Variants in ADAMTS12 observed in about 807,000 individuals in gnomAD.
ADAMTS12 encodes the protein ADAM metallopeptidase with thrombospondin type 1 motif 12.
Under a neutral mutation model 167.8 loss-of-function variants are expected in ADAMTS12, and 118 were observed. The observed-to-expected ratio is 0.70, with a 90% CI of 0.61 to 0.82. The LOEUF is 0.82. Ranked by LOEUF, ADAMTS12 falls within the 40% of genes least tolerant of loss-of-function variation. ADAMTS12 has a pLI of 0.00. For synonymous variants in ADAMTS12, 704 were observed against 716.9 expected, an observed-to-expected ratio of 0.98 and a Z score of 0.29; for missense variants, 1,916 against 1,998.8, an observed-to-expected ratio of 0.96 and a Z score of 0.79.
intron 2 of ADAMTS12, among the ~76,000 whole-genome samples, chr5:33,763,295 T>C (rs1745419832): frequency 6.6e-6 from 1 of 152,022 alleles, no homozygotes. Context: ...AGGGCCCTTA[T>C]AAGAGGAAGG....
rs764723818 is a variant in ADAMTS12, at chr5:33,683,073, A to G, written c.860T>C (p.Ile287Thr). The part of the protein sequence containing the change: ...MVTGLFHNPS[I>T]GNAIHIVVVR... ...CACAACAATGTGAATTGCATTGCCA[A>G]TGCTTGGGTTATGGAACAACCCAGT... Residue 287 changes from isoleucine to threonine, a missense_variant, in exon 5 of 24, where the codon ATT becomes ACT. By Grantham distance (89) the Ile-to-Thr change is moderately conservative. Coordinates refer to ENST00000504830, the MANE Select transcript of ADAMTS12 (RefSeq NM_030955.4). 29 of 1,613,602 alleles carry G rather than the reference A, an allele frequency of 1.8e-5. No homozygotes were observed. In the East Asian group the frequency reaches 2.7e-4, roughly 15 times the overall value.
At chr5:33,690,876 C>T (rs1278517577) in intron 3 of ADAMTS12, among the ~76,000 whole-genome samples, 4 of 152,180 alleles carry the variant, frequency 2.6e-5, no homozygotes, top group African/African-American at 9.7e-5. Flanking sequence ...TGTGCTGATG[C>T]ATTTCTCACA....
chr5:33,748,792 AC>A lies in ADAMTS12; in HGVS notation c.634+2611del, dbSNP rs1744879911. Among the ~76,000 whole-genome samples, 11 of 152,268 alleles carry A rather than the reference AC, an allele frequency of 7.2e-5. No individual in the cohort carries two copies. In the South Asian group the frequency reaches 2.3e-3, roughly 32 times the overall value. On this transcript the variant is annotated intron_variant, in intron 3 of 23. Coordinates refer to ENST00000504830, the MANE Select transcript of ADAMTS12 (RefSeq NM_030955.4). ...TTTAATGTTGGTTAATGACACCACC[AC>A]TGTCAGTTAATTCTGTTCTCTCTGC... is the stretch of plus-strand genomic sequence containing the variant.
chr5:33,736,728 T>C (rs1227383718), intron 3 of ADAMTS12, among the ~76,000 whole-genome samples: 2 of 152,218 alleles, frequency 1.3e-5, no homozygotes, highest in Non-Finnish European at 2.9e-5. Context: ...ATGTGAAGAA[T>C]TCCCTGTGTT....
intron 9 of ADAMTS12, among the ~76,000 whole-genome samples, chr5:33,645,492 C>T (rs12152898): frequency 0.57 from 85,918 of 151,858 alleles, 24,958 homozygotes; most frequent in East Asian, 0.67. Flanking sequence ...TCTCTTCCAA[C>T]GTGGAAGTGA....
At chr5:33,851,295 C>G (rs1749211717) in intron 2 of ADAMTS12, among the ~76,000 whole-genome samples, 1 of 152,060 alleles carries the variant, frequency 6.6e-6, no homozygotes, top group South Asian at 2.1e-4. Context: ...ACCTGTAGTC[C>G]CAGCTACTCG....
At chr5:33,692,494 T>C (rs578246525) in intron 3 of ADAMTS12, among the ~76,000 whole-genome samples, 1 of 152,206 alleles carries the variant, frequency 6.6e-6, no homozygotes, top group Non-Finnish European at 1.5e-5. Flanking sequence ...TGCTCACTCC[T>C]TTTACCCCCA....
chr5:33,817,925 A>T (rs931280403), intron 2 of ADAMTS12, among the ~76,000 whole-genome samples: 3 of 152,142 alleles, frequency 2.0e-5, no homozygotes, highest in Non-Finnish European at 2.9e-5. Flanking sequence ...GATCCTTTTC[A>T]TATAAATAGA....
At chr5:33,528,804 T>C (rs256604) in intron 23 of ADAMTS12, among the ~76,000 whole-genome samples, 65,486 of 151,998 alleles carry the variant, frequency 0.43, 14,899 homozygotes, top group East Asian at 0.7. Context: ...CCCAGCACTT[T>C]GGGAGGCTGA....
chr5:33,886,139 A>G (rs1373730410), intron 1 of ADAMTS12, among the ~76,000 whole-genome samples: 2 of 152,260 alleles, frequency 1.3e-5, no homozygotes, highest in African/African-American at 4.8e-5. Context: ...TTTTGAAAGT[A>G]TAAAGTGAAA....
intron 7 of ADAMTS12, among the ~76,000 whole-genome samples, chr5:33,653,512 G>C (rs1403433005): frequency 6.6e-6 from 1 of 151,694 alleles, no homozygotes; most frequent in Admixed American, 6.6e-5. Flanking sequence ...TTAGTGCCAG[G>C]GTAATACTAG....
At chr5:33,721,022 C>T (rs767152212) in intron 3 of ADAMTS12, among the ~76,000 whole-genome samples, 5 of 152,174 alleles carry the variant, frequency 3.3e-5, no homozygotes, top group Non-Finnish European at 5.9e-5. Context: ...GAAATAGTCA[C>T]ACAATGGAAT....
chr5:33,794,100 G>A (rs1392290852), intron 2 of ADAMTS12, among the ~76,000 whole-genome samples: 10 of 152,170 alleles, frequency 6.6e-5, no homozygotes, highest in African/African-American at 2.4e-4. Context: ...GGGCCTTCCT[G>A]TTGCTTCCTC....
At chr5:33,557,375 T>C (rs1745532416) in intron 20 of ADAMTS12, among the ~76,000 whole-genome samples, 1 of 152,066 alleles carries the variant, frequency 6.6e-6, no homozygotes, top group Non-Finnish European at 1.5e-5. Flanking sequence ...AGGGATCCTC[T>C]TTCCTGCTCT....
At chr5:33,605,476 A>ATATTTTCCC (rs1440241402) in intron 16 of ADAMTS12, among the ~76,000 whole-genome samples, 231 of 110,430 alleles carry the variant, frequency 2.1e-3, no homozygotes, top group African/African-American at 7.9e-3. Flanking sequence ...TATAAAAATG[A>ATATTTTCCC]CAACTGGAAA....
Position 33,881,098 on chromosome 5 carries a change from G to A in ADAMTS12, c.489+21C>T, listed in dbSNP as rs201075566. On this transcript the variant is annotated intron_variant, in intron 2 of 23. Transcript: ENST00000504830. The stretch of plus-strand genomic sequence containing the variant: ...TCTAGGGGCCAGGGCAGAGGAAGGA[G>A]ATGCCAGAGCCCACACTCACCAGTC... 8.1e-6 allele frequency: 13 copies of A among 1,607,396 alleles called. No homozygotes were observed. The East Asian group carries it at 2.9e-4, about 36-fold the overall frequency.
chr5:33,867,694 T>C (rs1253925377), intron 2 of ADAMTS12, among the ~76,000 whole-genome samples: 1 of 152,094 alleles, frequency 6.6e-6, no homozygotes, highest in African/African-American at 2.4e-5. Flanking sequence ...CAATGTTGGG[T>C]GTACTGTTAT....
At chr5:33,781,687 CT>C (rs147183333) in intron 2 of ADAMTS12, among the ~76,000 whole-genome samples, 8,506 of 150,008 alleles carry the variant, frequency 0.057, 818 homozygotes, top group African/African-American at 0.2. Flanking sequence ...CCTGTAAACT[CT>C]TTTTTTTTTA....
chr5:33,773,718 C>G (rs1043954463), intron 2 of ADAMTS12, among the ~76,000 whole-genome samples: 2 of 152,192 alleles, frequency 1.3e-5, no homozygotes, highest in South Asian at 4.1e-4. Context: ...TCTCCAGGAG[C>G]CTAGCCCAGC....
Sources: gnomAD v4.1 joint callset for allele counts (sites outside exome capture counted in the v4.1 genomes callset) on GRCh38, gnomAD v4.1.1 for gene constraint, MANE v1.5 for transcripts, NCBI Gene and HGNC (gene_info 2026-07-23, HGNC 2026-07-21) for gene names.